TANGO6: variants seen among roughly 807,000 people sequenced by gnomAD.
TANGO6 encodes the protein transport and golgi organization 6 homolog.
Under a neutral mutation model 114.2 loss-of-function variants are expected in TANGO6, and 90 were observed. The observed-to-expected ratio is 0.79, with a 90% CI of 0.66 to 0.94. The LOEUF (loss-of-function observed/expected upper bound fraction) is 0.94, where lower values mean the gene tolerates loss of function less well. Among genes scored for constraint, TANGO6 ranks in the 40% least tolerant of loss-of-function variants. The pLI is 0.00. For synonymous variants in TANGO6, 477 were observed against 509.8 expected (o/e 0.94, Z 0.87); for missense variants, 1,274 against 1,315.3 (o/e 0.97, Z 0.49).
intron 4 of TANGO6, among the ~76,000 whole-genome samples, chr16:68,872,230 A>G (rs1567528591): frequency 1.3e-5 from 2 of 151,992 alleles, no homozygotes; most frequent in Non-Finnish European, 2.9e-5. Context: ...TCAAAAAAAA[A>G]AAGAAGTTGT....
At chr16:68,989,800 T>A (rs940785960) in intron 15 of TANGO6, among the ~76,000 whole-genome samples, 3 of 152,228 alleles carry the variant, frequency 2.0e-5, no homozygotes, top group African/African-American at 7.2e-5. Context: ...TTGTCATGCC[T>A]GTGGTGGGCA....
In TANGO6 at chr16:68,867,127, C is replaced by T. The variant is rs760924560; in HGVS notation, c.901C>T (p.Leu301Phe). ...TQMRCRAPAWLRRLCGQLLSE... is the reference protein window; with the variant it reads ...TQMRCRAPAWFRRLCGQLLSE... ...GATGAGGTGTCGGGCCCCAGCTTGG[C>T]TTCGGCGTCTATGTGGACAGCTGCT... Residue 301 changes from leucine to phenylalanine, a missense_variant, in exon 4 of 18, where the codon CTT becomes TTT. Leu to Phe is a conservative substitution (Grantham distance 22). Around this residue, in one of 5 missense-constraint regions of TANGO6, gnomAD observed 908 missense variants for 910.2 expected, o/e 1.00. Transcript: ENST00000261778. 6.2e-7 allele frequency: 1 copy of T among 1,613,912 alleles called. No homozygotes were observed. The highest frequency in any genetic ancestry group is 8.5e-7 in the Non-Finnish European group (1 of 1,179,896).
At chr16:68,945,807 T>C (rs1046617376) in intron 14 of TANGO6, among the ~76,000 whole-genome samples, 13 of 151,936 alleles carry the variant, frequency 8.6e-5, no homozygotes, top group Non-Finnish European at 1.3e-4. Context: ...TGCCCCAGCC[T>C]CCTGAGTAGC....
At chr16:69,045,587 C>CA (rs1406345391) in intron 17 of TANGO6, among the ~76,000 whole-genome samples, 3 of 148,704 alleles carry the variant, frequency 2.0e-5, no homozygotes, top group Non-Finnish European at 4.5e-5. Context: ...ACTAAAAATA[C>CA]AAAAAATTAG....
At chr16:68,910,153 G>A (rs1277172561) in intron 11 of TANGO6, among the ~76,000 whole-genome samples, 1 of 152,180 alleles carries the variant, frequency 6.6e-6, no homozygotes, top group Admixed American at 6.5e-5. Flanking sequence ...TGGCATGATT[G>A]TCACGCTTAA....
At chr16:68,917,192 T>G (rs1287597335) in intron 11 of TANGO6, among the ~76,000 whole-genome samples, 1 of 152,200 alleles carries the variant, frequency 6.6e-6, no homozygotes, top group Non-Finnish European at 1.5e-5. Context: ...CTTCTTTCCC[T>G]TAGTAATATG....
At chr16:68,936,657 T>C (rs1963301891) in intron 14 of TANGO6, among the ~76,000 whole-genome samples, 1 of 152,176 alleles carries the variant, frequency 6.6e-6, no homozygotes. Flanking sequence ...ATTTCTATAC[T>C]GTAGATCTGT....
chr16:69,024,474 G>T (rs2152228747), intron 16 of TANGO6, among the ~76,000 whole-genome samples: 1 of 152,076 alleles, frequency 6.6e-6, no homozygotes, highest in South Asian at 2.1e-4. Flanking sequence ...TCACCATGTT[G>T]GCCAGACTGG....
chr16:69,041,235 T>C (rs1597068773), intron 17 of TANGO6, among the ~76,000 whole-genome samples: 1 of 151,814 alleles, frequency 6.6e-6, no homozygotes, highest in Non-Finnish European at 1.5e-5. Flanking sequence ...TCACCTGAGG[T>C]CAGGAGTTCG....
At chr16:68,912,911 CA>C (rs554300938) in intron 11 of TANGO6, among the ~76,000 whole-genome samples, 2,781 of 81,840 alleles carry the variant, frequency 0.034, 68 homozygotes, top group African/African-American at 0.099. Flanking sequence ...CCCCATCTCT[CA>C]AAAAAAAAAA....
intron 8 of TANGO6, 62 bp downstream of exon 8, chr16:68,900,608 T>C: frequency 7.6e-7 from 1 of 1,320,236 alleles, no homozygotes; most frequent in Non-Finnish European, 1.1e-6. Context: ...CATGTTGTTT[T>C]TGTTCTTATT....
intron 14 of TANGO6, among the ~76,000 whole-genome samples, chr16:68,933,487 G>C (rs1290657508): frequency 2.0e-5 from 3 of 152,186 alleles, no homozygotes; most frequent in African/African-American, 7.2e-5. Flanking sequence ...TATCACTCAC[G>C]CATCTGTAGA....
chr16:68,949,259 C>T (rs1963446735), intron 14 of TANGO6, among the ~76,000 whole-genome samples: 1 of 152,158 alleles, frequency 6.6e-6, no homozygotes, highest in African/African-American at 2.4e-5. Flanking sequence ...GTTAAGTAAG[C>T]ACGTAGCTTT....
intron 14 of TANGO6, among the ~76,000 whole-genome samples, chr16:68,953,050 TTTATTA>T (rs71383944): frequency 0.026 from 3,584 of 139,170 alleles, 91 homozygotes; most frequent in African/African-American, 0.068. Context: ...ACAGGTATTT[TTTATTA>T]TTATTATTAT....
intron 11 of TANGO6, among the ~76,000 whole-genome samples, chr16:68,912,109 T>G (rs543993846): frequency 6.6e-6 from 1 of 152,354 alleles, no homozygotes; most frequent in East Asian, 1.9e-4. Context: ...TTGTGTTTCC[T>G]GTAAGAATTG....
rs149851950 is a variant in TANGO6, at chr16:68,923,050, C to T, written c.2127+3831C>T. Among the ~76,000 whole-genome samples, 1,179 of 145,620 alleles carry T rather than the reference C, an allele frequency of 8.1e-3. 14 individuals are homozygous for T. Among genetic ancestry groups the T allele is most frequent in the African/African-American group, 0.029 (1,123 of 39,076 alleles). ...GCAACCTCCGCCCGCTGGGTTCAAG[C>T]GATTCTCCTGCCTCAGCCTCCCAAG... On this transcript the variant is annotated intron_variant, in intron 12 of 17. Coordinates refer to ENST00000261778, the MANE Select transcript of TANGO6 (RefSeq NM_024562.2).
intron 15 of TANGO6, among the ~76,000 whole-genome samples, chr16:68,993,679 C>T (rs1399946913): frequency 2.0e-5 from 3 of 152,206 alleles, no homozygotes; most frequent in Non-Finnish European, 4.4e-5. Flanking sequence ...CTAACCAACT[C>T]TTGGTCATGC....
intron 1 of TANGO6, among the ~76,000 whole-genome samples, chr16:68,849,145 A>C (rs1045357532): frequency 1.3e-5 from 2 of 152,072 alleles, no homozygotes; most frequent in Non-Finnish European, 2.9e-5. Flanking sequence ...GACCAGCTTG[A>C]CCAACATGGC....
chr16:68,893,890 A>G (rs546434141), intron 7 of TANGO6, among the ~76,000 whole-genome samples: 2 of 152,174 alleles, frequency 1.3e-5, no homozygotes, highest in African/African-American at 4.8e-5. Flanking sequence ...CCAACTAGAA[A>G]GAGACTAAAC....
Sources: gnomAD v4.1 joint callset for allele counts (sites outside exome capture counted in the v4.1 genomes callset) on GRCh38, gnomAD v4.1.1 for gene constraint, gnomAD v4.1.1 regional missense constraint, MANE v1.5 for transcripts, NCBI Gene and HGNC (gene_info 2026-07-23, HGNC 2026-07-21) for gene names.